TET1: variants seen among roughly 807,000 people sequenced by gnomAD.
TET1 encodes the protein methylcytosine dioxygenase TET1.
TET1 carries 13 observed loss-of-function variants against 148.7 expected under a neutral mutation model. The observed-to-expected ratio is 0.09, with a 90% CI of 0.06 to 0.14. The LOEUF is 0.14. Among genes scored for constraint, TET1 ranks in the 10% least tolerant of loss-of-function variants. The pLI is 1.00. For missense variants in TET1, 2,182 were observed against 2,553.8 expected (o/e 0.85, Z 3.14); for synonymous variants, 907 against 937.2 (o/e 0.97, Z 0.59).
At chr10:68,678,105 C>A (rs1470593424) in intron 8 of TET1, among the ~76,000 whole-genome samples, 1 of 152,148 alleles carries the variant, frequency 6.6e-6, no homozygotes, top group Non-Finnish European at 1.5e-5. Flanking sequence ...CTTACACTTG[C>A]CCTTGAATGA....
intron 6 of TET1, among the ~76,000 whole-genome samples, 163 bp from the exon 7 acceptor site, chr10:68,666,882 G>C (rs1589124335): frequency 6.6e-6 from 1 of 152,166 alleles, no homozygotes; most frequent in East Asian, 1.9e-4. Context: ...CTAGGAGTTT[G>C]AGACCAGCCT....
chr10:68,646,555 G>T lies in TET1; in HGVS notation c.3826G>T (p.Ala1276Ser), dbSNP rs757013883. The change falls in exon 4 of 12, where the codon GCA becomes TCA. Residue 1276 changes from alanine (A) to serine (S), a missense_variant. This residue lies in a region of TET1 where 582 missense variants were observed against 599.5 expected (regional missense o/e 0.97). Transcript: ENST00000373644. ...TCTTAAAACGGAATCCAACGGGAAGGCATTCACTGATAAAGCTTATAATTC... is the reference window on the plus strand; with the variant it reads ...TCTTAAAACGGAATCCAACGGGAAGTCATTCACTGATAAAGCTTATAATTC... ...FHLKTESNGK[A>S]FTDKAYNSQV... 3 of 1,614,026 alleles carry T rather than the reference G, an allele frequency of 1.9e-6. No homozygotes were observed. The highest frequency in any genetic ancestry group is 1.7e-5 in the Admixed American group (1 of 59,990).
rs550849996 is a variant in TET1, at chr10:68,603,145, TATGATTTGGTCTTCCATC to T, written c.1968+2114_1968+2131del. Among the ~76,000 whole-genome samples the T allele has an allele frequency of 2.6e-4, 39 of 152,322 alleles. No individual in the cohort carries two copies. The South Asian group carries it at 7.0e-3, about 28-fold the overall frequency. On this transcript the variant is annotated intron_variant, in intron 3 of 11. Transcript: ENST00000373644. ...GACCAGTGATGGGAATCTCACAGTT[TATGATTTGGTCTTCCATC>T]ATTATTTGCTGTCTTTACATTTGGT... is the stretch of plus-strand genomic sequence containing the variant.
intron 2 of TET1, among the ~76,000 whole-genome samples, chr10:68,595,188 T>G (rs933457666): frequency 1.3e-5 from 2 of 151,784 alleles, no homozygotes; most frequent in African/African-American, 2.4e-5. Flanking sequence ...GTACAAGACA[T>G]TCTTTTCTTA....
At chr10:68,673,965 T>C (rs71478842) in intron 8 of TET1, among the ~76,000 whole-genome samples, 12,093 of 137,512 alleles carry the variant, frequency 0.088, 772 homozygotes, top group South Asian at 0.17. Flanking sequence ...TTTTTCTTTT[T>C]TTTTTTTTTT....
intron 2 of TET1, among the ~76,000 whole-genome samples, chr10:68,596,220 A>G (rs1052329784): frequency 6.6e-6 from 1 of 150,964 alleles, no homozygotes; most frequent in African/African-American, 2.4e-5. Context: ...CATTTCTTTT[A>G]AGGTTATTTT....
chr10:68,600,244 G>A (rs1458976870), intron 2 of TET1, among the ~76,000 whole-genome samples: 2 of 152,104 alleles, frequency 1.3e-5, no homozygotes, highest in African/African-American at 4.8e-5. Context: ...GTACATTGGA[G>A]GCAGAGCAGC....
chr10:68,675,819 G>A lies in TET1; in HGVS notation c.4824+2774G>A, dbSNP rs181922212. Among the ~76,000 whole-genome samples the A allele has an allele frequency of 2.3e-4, 35 of 152,146 alleles. No individual in the cohort carries two copies. In the East Asian group the frequency reaches 5.8e-3, roughly 25 times the overall value. Reference sequence around the variant, plus strand: ...AATGACAGTCCCTACTCCTTGCCAGGTGCCCAATTAATACCTAGGCTCTTT... The same window carrying A: ...AATGACAGTCCCTACTCCTTGCCAGATGCCCAATTAATACCTAGGCTCTTT... On this transcript the variant is annotated intron_variant, in intron 8 of 11. Coordinates refer to ENST00000373644, the MANE Select transcript of TET1 (RefSeq NM_030625.3).
intron 3 of TET1, among the ~76,000 whole-genome samples, chr10:68,617,876 A>G (rs1461269370): frequency 6.6e-6 from 1 of 151,322 alleles, no homozygotes; most frequent in Non-Finnish European, 1.5e-5. Flanking sequence ...CAAACATTTT[A>G]TCTTGTACCA....
At chr10:68,685,288 G>A (rs970441905) in intron 10 of TET1, among the ~76,000 whole-genome samples, 1 of 151,922 alleles carries the variant, frequency 6.6e-6, no homozygotes, top group African/African-American at 2.4e-5. Flanking sequence ...GCTTTACCTT[G>A]GTATCTATCA....
intron 2 of TET1, among the ~76,000 whole-genome samples, chr10:68,589,501 ACTGTG>A (rs1234053819): frequency 6.9e-6 from 1 of 145,870 alleles, no homozygotes; most frequent in Admixed American, 6.9e-5. Context: ...ATGGGGTTTC[ACTGTG>A]TTGCCCAGGC....
intron 3 of TET1, among the ~76,000 whole-genome samples, chr10:68,611,445 C>T (rs769532934): frequency 2.6e-5 from 4 of 151,994 alleles, no homozygotes; most frequent in Non-Finnish European, 5.9e-5. Context: ...CCTGTGAAGC[C>T]ACCGCACTCC....
chr10:68,568,161 A>C (rs1196252145), intron 1 of TET1, among the ~76,000 whole-genome samples: 4 of 150,148 alleles, frequency 2.7e-5, no homozygotes, highest in Non-Finnish European at 4.4e-5. Context: ...TACAGGCGTG[A>C]GCCACTGCAC....
chr10:68,652,378 A>G, intron 5 of TET1, 123 bp from the exon 6 acceptor site: 1 of 499,026 alleles, frequency 2.0e-6, no homozygotes, highest in Non-Finnish European at 3.2e-6. Context: ...AATTACGAAG[A>G]GTGTCTAATT....
chr10:68,599,237 G>A (rs1280613246), intron 2 of TET1, among the ~76,000 whole-genome samples: 1 of 152,216 alleles, frequency 6.6e-6, no homozygotes, highest in Non-Finnish European at 1.5e-5. Context: ...ACCCATCTTT[G>A]GCTGAGCAGC....
At chr10:68,639,002 G>T (rs905746247) in intron 3 of TET1, among the ~76,000 whole-genome samples, 5 of 151,766 alleles carry the variant, frequency 3.3e-5, no homozygotes, top group African/African-American at 1.2e-4. Flanking sequence ...CTTGCTTCAG[G>T]GTGGGTAGGA....
Position 68,657,207 on chromosome 10 carries a change from C to T in TET1, c.4461+4613C>T, listed in dbSNP as rs181686304. 1.6e-3 allele frequency among the ~76,000 whole-genome samples: 248 copies of T among 151,880 alleles called. 1 individual carries two copies. Among genetic ancestry groups the T allele is most frequent in the African/African-American group, 3.9e-3 (161 of 41,424 alleles). On this transcript the variant is annotated intron_variant, in intron 6 of 11. Coordinates refer to ENST00000373644, the MANE Select transcript of TET1 (RefSeq NM_030625.3). ...TTTCTTTTTTTTTGAGAGGGAGCCT[C>T]GCTCTGTCGCCCAGGCTGGAGTGCA...
intron 2 of TET1, among the ~76,000 whole-genome samples, chr10:68,578,943 TGAA>T (rs891816546): frequency 3.3e-5 from 5 of 152,034 alleles, no homozygotes; most frequent in Admixed American, 3.3e-4. Flanking sequence ...CGTGAACCTG[TGAA>T]GCTGAGGTTG....
At position 68,646,441 on chromosome 10, in the gene TET1, C is replaced by T. The variant is rs1405795758; in HGVS notation, c.3712C>T (p.Pro1238Ser). ...SIMQPKTVFP[P>S]LTQIKLQRYP... ...TATGCAACCCAAAACAGTATTTCCA[C>T]CACTCACTCAGATAAAATTACAGAG... The change falls in exon 4 of 12, where the codon CCA becomes TCA. Residue 1238 changes from proline to serine, a missense_variant. Around this residue, in one of 11 missense-constraint regions of TET1, gnomAD observed 582 missense variants for 599.5 expected, o/e 0.97. Coordinates refer to ENST00000373644, the MANE Select transcript of TET1 (RefSeq NM_030625.3). 1 of 1,614,150 alleles carries T rather than the reference C, an allele frequency of 6.2e-7. No individual in the cohort carries two copies.
Sources: allele counts gnomAD v4.1 joint callset (sites outside exome capture counted in the v4.1 genomes callset), GRCh38; gene constraint gnomAD v4.1.1; regional missense constraint gnomAD v4.1.1; transcripts MANE v1.5; gene names NCBI Gene and HGNC (gene_info 2026-07-23, HGNC 2026-07-21).